The following ROBO2 variants were observed in gnomAD, a reference collection of about 807,000 sequenced individuals.
The protein encoded by ROBO2 is roundabout homolog 2.
A neutral mutation model predicts 160.8 loss-of-function variants in ROBO2; 53 were observed. That is an observed-to-expected ratio of 0.33 (90% confidence interval 0.26 to 0.41). ROBO2 has a LOEUF of 0.41. ROBO2 is among the 10% of genes least tolerant of loss of function. The pLI, the probability that ROBO2 is intolerant of heterozygous loss-of-function variation, is 1.00. For synonymous variants in ROBO2, 664 were observed against 611.7 expected (o/e 1.09, Z -1.26); for missense variants, 1,577 against 1,722.4 (o/e 0.92, Z 1.49).
chr3:77,327,236 G>A (rs1412271491), intron 2 of ROBO2, among the ~76,000 whole-genome samples: 1 of 152,142 alleles, frequency 6.6e-6, no homozygotes, highest in East Asian at 1.9e-4. Flanking sequence ...GCAGTTCTAT[G>A]AGAATACTTC....
At chr3:76,292,022 G>T (rs747882565) in intron 2 of ROBO2, among the ~76,000 whole-genome samples, 2 of 151,942 alleles carry the variant, frequency 1.3e-5, no homozygotes, top group Admixed American at 6.6e-5. Context: ...ATATCTGTTA[G>T]GGCTATTTGG....
At chr3:76,035,450 A>G (rs985559163) in intron 2 of ROBO2, among the ~76,000 whole-genome samples, 1 of 151,876 alleles carries the variant, frequency 6.6e-6, no homozygotes, top group Non-Finnish European at 1.5e-5. Context: ...TTAAGACTGG[A>G]AGCATGATTA....
intron 2 of ROBO2, among the ~76,000 whole-genome samples, chr3:77,228,754 C>G (rs1483225912): frequency 6.6e-6 from 1 of 151,886 alleles, no homozygotes; most frequent in Non-Finnish European, 1.5e-5. Flanking sequence ...AAAAAACTTG[C>G]AAGATTAAAA....
intron 1 of ROBO2, among the ~76,000 whole-genome samples, chr3:77,079,728 T>C (rs2068431971): frequency 6.6e-6 from 1 of 152,202 alleles, no homozygotes; most frequent in Non-Finnish European, 1.5e-5. Context: ...AGTTTGCTTA[T>C]AGGGGAATGT....
intron 2 of ROBO2, among the ~76,000 whole-genome samples, chr3:76,335,148 T>G (rs896815329): frequency 6.6e-6 from 1 of 151,142 alleles, no homozygotes; most frequent in Non-Finnish European, 1.5e-5. Context: ...ATTGCAGGCA[T>G]GAGCCACCAC....
chr3:76,288,092 A>C (rs1284011458), intron 2 of ROBO2, among the ~76,000 whole-genome samples: 1 of 152,176 alleles, frequency 6.6e-6, no homozygotes, highest in African/African-American at 2.4e-5. Context: ...TTAAAATTTG[A>C]TTTGCTAATC....
chr3:77,417,287 A>G (rs2077331565), intron 2 of ROBO2, among the ~76,000 whole-genome samples: 1 of 151,474 alleles, frequency 6.6e-6, no homozygotes, highest in African/African-American at 2.4e-5. Flanking sequence ...GATGGGCCAG[A>G]CATACTTTAC....
chr3:76,808,522 T>C (rs1200985523), intron 2 of ROBO2, among the ~76,000 whole-genome samples: 1 of 152,082 alleles, frequency 6.6e-6, no homozygotes, highest in Admixed American at 6.6e-5. Flanking sequence ...GCAATGTAAA[T>C]ATAAAAAAGT....
intron 9 of ROBO2, among the ~76,000 whole-genome samples, chr3:77,559,940 G>T (rs747809595): frequency 1.3e-4 from 20 of 152,002 alleles, no homozygotes; most frequent in Non-Finnish European, 2.4e-4. Context: ...TAAATTAATT[G>T]TTAACCTTCT....
chr3:76,907,594 A>G (rs192144052), intron 2 of ROBO2, among the ~76,000 whole-genome samples: 1 of 152,324 alleles, frequency 6.6e-6, no homozygotes, highest in African/African-American at 2.4e-5. Flanking sequence ...TAGGGACAAA[A>G]TAAAACTTCT....
intron 2 of ROBO2, among the ~76,000 whole-genome samples, chr3:77,379,943 G>A (rs1228145961): frequency 6.6e-6 from 1 of 151,968 alleles, no homozygotes; most frequent in Non-Finnish European, 1.5e-5. Context: ...TCAGCTCACT[G>A]CATACAGGCG....
chr3:76,793,905 T>G (rs1029769888), intron 2 of ROBO2, among the ~76,000 whole-genome samples: 1 of 151,980 alleles, frequency 6.6e-6, no homozygotes, highest in Non-Finnish European at 1.5e-5. Flanking sequence ...AGCATTCTGG[T>G]TTCAAATCTT....
intron 2 of ROBO2, among the ~76,000 whole-genome samples, chr3:77,387,438 G>T (rs576220226): frequency 1.3e-5 from 2 of 151,738 alleles, no homozygotes; most frequent in African/African-American, 4.8e-5. Flanking sequence ...CACCATGTTG[G>T]GTCCAGTTGG....
At chr3:77,422,042 G>A (rs748731673) in intron 2 of ROBO2, among the ~76,000 whole-genome samples, 4 of 152,070 alleles carry the variant, frequency 2.6e-5, no homozygotes, top group Non-Finnish European at 4.4e-5. Context: ...CATTTAATGG[G>A]CACTTTGCTT....
intron 2 of ROBO2, among the ~76,000 whole-genome samples, chr3:76,882,443 C>G (rs920648653): frequency 2.6e-5 from 4 of 152,020 alleles, no homozygotes; most frequent in South Asian, 2.1e-4. Flanking sequence ...ACTCCTCTTT[C>G]AGGACTCGGT....
chr3:77,316,799 T>A (rs566626636), intron 2 of ROBO2: 2 of 1,289,558 alleles, frequency 1.6e-6, no homozygotes, highest in Non-Finnish European at 2.3e-6. Context: ...CCACCAGCCT[T>A]GACGTTCTTG....
intron 2 of ROBO2, among the ~76,000 whole-genome samples, chr3:77,453,031 G>C (rs1490055609): frequency 1.3e-5 from 2 of 152,206 alleles, no homozygotes; most frequent in East Asian, 1.9e-4. Flanking sequence ...TTTCCCCAAA[G>C]TATGTCTATG....
intron 2 of ROBO2, among the ~76,000 whole-genome samples, chr3:76,656,826 T>C (rs759572582): frequency 3.3e-5 from 5 of 152,166 alleles, no homozygotes; most frequent in Non-Finnish European, 5.9e-5. Context: ...AACCCCTTTT[T>C]ACTTCATCAT....
At chr3:77,529,838 C>T (rs775751) in intron 6 of ROBO2, among the ~76,000 whole-genome samples, 114,722 of 151,716 alleles carry the variant, frequency 0.76, 43,628 homozygotes, top group Admixed American at 0.82. Context: ...ATACTTTAAA[C>T]TTGACAACTA....
Sources: allele counts gnomAD v4.1 joint callset (sites outside exome capture counted in the v4.1 genomes callset), GRCh38; gene constraint gnomAD v4.1.1; transcripts MANE v1.5; gene names NCBI Gene and HGNC (gene_info 2026-07-23, HGNC 2026-07-21).